The following MIA2 variants were observed in gnomAD, a reference collection of about 807,000 sequenced individuals.
MIA2 encodes the protein MIA SH3 domain ER export factor 2.
MIA2 carries 127 observed loss-of-function variants against 167.8 expected under a neutral mutation model. The ratio of observed to expected loss-of-function variants is 0.76; its 90% confidence interval spans 0.66 to 0.88. The LOEUF is 0.88. Ranked by LOEUF, MIA2 falls within the 40% of genes least tolerant of loss-of-function variation. MIA2 has a pLI of 0.00. For synonymous variants in MIA2, 552 were observed against 541.9 expected (o/e 1.02, Z -0.26); for missense variants, 1,690 against 1,624.7 (o/e 1.04, Z -0.69).
At chr14:39,316,716 A>G (rs144872296) in intron 21 of MIA2, among the ~76,000 whole-genome samples, 1 of 152,270 alleles carries the variant, frequency 6.6e-6, no homozygotes, top group Non-Finnish European at 1.5e-5. Flanking sequence ...ATTTGTTACT[A>G]AATTAAGCTG....
intron 23 of MIA2, among the ~76,000 whole-genome samples, chr14:39,371,056 G>A (rs368774483): frequency 4.6e-5 from 7 of 151,956 alleles, no homozygotes; most frequent in East Asian, 3.9e-4. Context: ...ATCCTCTAAC[G>A]TAAATCATTT....
chr14:39,335,195 T>A (rs567013991), intron 25 of MIA2, among the ~76,000 whole-genome samples: 23 of 152,322 alleles, frequency 1.5e-4, no homozygotes, highest in African/African-American at 5.3e-4. Flanking sequence ...TGAAGAGTCC[T>A]TCTCACTAAT....
At chr14:39,277,910 C>G (rs990508216) in intron 7 of MIA2, among the ~76,000 whole-genome samples, 1 of 151,234 alleles carries the variant, frequency 6.6e-6, no homozygotes, top group Non-Finnish European at 1.5e-5. Flanking sequence ...CCTTTCTCAG[C>G]CTTTTGAGTA....
chr14:39,335,514 C>T (rs1474554034), intron 25 of MIA2, among the ~76,000 whole-genome samples: 1 of 152,126 alleles, frequency 6.6e-6, no homozygotes, highest in African/African-American at 2.4e-5. Context: ...AAGGAGAAAA[C>T]TTTACTTAGC....
At chr14:39,368,796 C>T (rs868868408) in intron 23 of MIA2, among the ~76,000 whole-genome samples, 2 of 144,636 alleles carry the variant, frequency 1.4e-5, no homozygotes, top group African/African-American at 2.6e-5. Flanking sequence ...AAATTTTTTT[C>T]AGTAAACGTA....
chr14:39,313,535 A>G, intron 19 of MIA2, 94 bp downstream of exon 19: 1 of 689,374 alleles, frequency 1.5e-6, no homozygotes, highest in Non-Finnish European at 2.4e-6. Flanking sequence ...TGAAAATAGA[A>G]AACATTTTAA....
chr14:39,368,153 C>T (rs2074861663), intron 23 of MIA2, among the ~76,000 whole-genome samples: 1 of 151,924 alleles, frequency 6.6e-6, no homozygotes, highest in African/African-American at 2.4e-5. Context: ...TTGAATTAGA[C>T]AATGAAGAGA....
chr14:39,240,536 T>A (rs376378055), intron 2 of MIA2, 25 bp from the exon 3 acceptor site: 3 of 1,557,684 alleles, frequency 1.9e-6, no homozygotes, highest in Non-Finnish European at 2.7e-6. Context: ...TCTTCCTCGA[T>A]AATCTTTGTT....
chr14:39,360,902 TGA>T (rs1322075881), intron 23 of MIA2, among the ~76,000 whole-genome samples: 1 of 152,232 alleles, frequency 6.6e-6, no homozygotes, highest in East Asian at 1.9e-4. Flanking sequence ...CTCGATTTAT[TGA>T]GAGTGTTCTT....
intron 24 of MIA2, among the ~76,000 whole-genome samples, chr14:39,321,824 G>A (rs1009270515): frequency 2.7e-5 from 4 of 149,812 alleles, no homozygotes; most frequent in African/African-American, 9.9e-5. Flanking sequence ...GCAGTGGCGC[G>A]ATCTCGGCTC....
At chr14:39,313,237 G>T in intron 18 of MIA2, 103 bp from the exon 19 acceptor site, 2 of 526,184 alleles carry the variant, frequency 3.8e-6, no homozygotes, top group Non-Finnish European at 6.6e-6. Context: ...TGGTATTTTA[G>T]AAATCATTTG....
intron 25 of MIA2, 54 bp from the exon 26 acceptor site, chr14:39,345,850 T>C: frequency 6.7e-7 from 1 of 1,501,614 alleles, no homozygotes; most frequent in Non-Finnish European, 9.1e-7. Flanking sequence ...TAAACTTAAG[T>C]AAACTTGATT....
In MIA2 at chr14:39,317,974, A is replaced by G. The variant is rs757014088; in HGVS notation, c.3247A>G (p.Asn1083Asp). The G allele has an allele frequency of 6.3e-7, 1 of 1,583,924 alleles. No homozygotes were observed. The highest frequency in any genetic ancestry group is 1.2e-5 in the South Asian group (1 of 82,924). ...LAARNAERNLNDLRKENAHNR... is the reference protein window; with the variant it reads ...LAARNAERNLDDLRKENAHNR... ...AGCTCGGAATGCTGAAAGAAACCTC[A>G]ATGATTTAAGGAAAGAAAATGCTCA... is the stretch of plus-strand genomic sequence containing the variant. Residue 1083 changes from asparagine to aspartate, a missense_variant, in exon 22 of 29, where the codon AAT becomes GAT. Physicochemically the swap from Asn to Asp is conservative, Grantham distance 23. Transcript: ENST00000640607.
At chr14:39,312,455 C>G (rs1263854235) in intron 18 of MIA2, among the ~76,000 whole-genome samples, 1 of 152,202 alleles carries the variant, frequency 6.6e-6, no homozygotes, top group African/African-American at 2.4e-5. Flanking sequence ...TGCCATACTG[C>G]AAGACTTCTT....
chr14:39,375,894 GTTATT>G (rs1207803214), intron 23 of MIA2, among the ~76,000 whole-genome samples: 2 of 152,166 alleles, frequency 1.3e-5, no homozygotes, highest in Admixed American at 6.5e-5. Context: ...GCAGGATATT[GTTATT>G]TTAGTTATAT....
downstream of MIA2, among the ~76,000 whole-genome samples, chr14:39,354,596 T>G (rs901396188): frequency 3.9e-5 from 6 of 152,228 alleles, no homozygotes; most frequent in Admixed American, 3.9e-4. Flanking sequence ...TGGCTTTTGT[T>G]GCCATTGCTT....
intron 23 of MIA2, chr14:39,386,440 TG>T (rs2139383566): frequency 1.3e-6 from 2 of 1,546,278 alleles, no homozygotes; most frequent in East Asian, 2.3e-5. Flanking sequence ...CAGAACCTTT[TG>T]GAGAACTACA....
At position 39,388,506 on chromosome 14, in the gene MIA2, G is replaced by T; in HGVS notation, c.*1554G>T. On this transcript the variant is annotated 3_prime_UTR_variant, in exon 24 of 24. Coordinates refer to the MIA2 transcript ENST00000341502. This position sits in a 1 kb window ranked among gnomAD's most constrained non-coding sequence, Gnocchi z 4.1. Reference sequence around the variant, plus strand: ...CCATTCATTTGAGAAATATATTTGAGAGTCTTCTGTGTGCTAGTGTGTCTG... The same window carrying T: ...CCATTCATTTGAGAAATATATTTGATAGTCTTCTGTGTGCTAGTGTGTCTG... The T allele has an allele frequency of 6.2e-6, 1 of 160,682 alleles. No homozygotes were observed. The highest frequency in any genetic ancestry group is 1.8e-4 in the South Asian group (1 of 5,524). The allele number at this position is 160,682 out of a possible 1,614,324, so 10.0% of individuals were successfully genotyped here.
intron 20 of MIA2, chr14:39,315,424 T>C (rs942186931): frequency 4.6e-5 from 16 of 346,026 alleles, no homozygotes; most frequent in Non-Finnish European, 7.7e-5. Context: ...GCTAGTTATA[T>C]GTTAACTGGC....
Sources: gnomAD v4.1 joint callset for allele counts (sites outside exome capture counted in the v4.1 genomes callset) on GRCh38, gnomAD v4.1.1 for gene constraint, Gnocchi (gnomAD v3.1) non-coding constraint, MANE v1.5 for transcripts, NCBI Gene and HGNC (gene_info 2026-07-23, HGNC 2026-07-21) for gene names.